Variants in STXBP6 observed in about 807,000 individuals in gnomAD.
STXBP6 encodes the protein syntaxin-binding protein 6.
A neutral mutation model predicts 26.9 loss-of-function variants in STXBP6; 21 were observed. The ratio of observed to expected loss-of-function variants is 0.78; its 90% CI spans 0.55 to 1.12. The LOEUF is 1.12. Ranked by LOEUF, STXBP6 falls within the 50% of genes most tolerant of loss-of-function variation. STXBP6 has a pLI of 0.00. For synonymous variants in STXBP6, 97 were observed against 92.6 expected (o/e 1.05, Z -0.27); for missense variants, 232 against 257.9 (o/e 0.90, Z 0.69).
intron 4 of STXBP6, among the ~76,000 whole-genome samples, chr14:24,844,639 T>G (rs1416350229): frequency 6.6e-6 from 1 of 152,092 alleles, no homozygotes; most frequent in Non-Finnish European, 1.5e-5. Context: ...TAGAAACAGA[T>G]CCTAAAAACA....
At chr14:24,813,516 A>G (rs1161150997) in intron 5 of STXBP6, among the ~76,000 whole-genome samples, 1 of 152,196 alleles carries the variant, frequency 6.6e-6, no homozygotes, top group African/African-American at 2.4e-5. Context: ...CAGAAGGCAG[A>G]ACAGAGGCTG....
chr14:24,930,574 A>T (rs2072348001), intron 2 of STXBP6, among the ~76,000 whole-genome samples: 1 of 152,154 alleles, frequency 6.6e-6, no homozygotes, highest in Non-Finnish European at 1.5e-5. Flanking sequence ...AACTGATAAC[A>T]CTGAAGCAAA....
chr14:25,002,728 T>C (rs1260480806), intron 1 of STXBP6, among the ~76,000 whole-genome samples: 1 of 152,088 alleles, frequency 6.6e-6, no homozygotes, highest in Non-Finnish European at 1.5e-5. Context: ...TGGTCAAAGT[T>C]AAGCAACAAG....
chr14:24,919,282 T>C (rs573026790), intron 2 of STXBP6, among the ~76,000 whole-genome samples: 1 of 152,166 alleles, frequency 6.6e-6, no homozygotes, highest in South Asian at 2.1e-4. Context: ...TATGGTACTT[T>C]AGTCTTCCAG....
intron 2 of STXBP6, among the ~76,000 whole-genome samples, chr14:24,898,045 G>A (rs1595067741): frequency 1.3e-5 from 2 of 152,132 alleles, no homozygotes; most frequent in East Asian, 1.9e-4. Flanking sequence ...TTCTGTACAC[G>A]AGGTTTAGCA....
Position 24,897,985 on chromosome 14 carries a change from G to A in STXBP6, c.155-40828C>T, listed in dbSNP as rs77095434. ...ATTGGAAAATCAGTGGTGAAGTCAT[G>A]TAGACAATGGTTGTTTCATCTTTGC... is the stretch of plus-strand genomic sequence containing the variant. On this transcript the variant is annotated intron_variant, in intron 2 of 5. Coordinates refer to ENST00000323944, the MANE Select transcript of STXBP6 (RefSeq NM_001394410.1). Among the ~76,000 whole-genome samples, 125 of 152,330 alleles carry A rather than the reference G, an allele frequency of 8.2e-4. 1 individual carries two copies. In the East Asian group the frequency reaches 0.024, roughly 29 times the overall value.
chr14:24,985,848 C>G (rs771985233), intron 1 of STXBP6, among the ~76,000 whole-genome samples: 1 of 152,154 alleles, frequency 6.6e-6, no homozygotes, highest in Non-Finnish European at 1.5e-5. Flanking sequence ...TGGAAGTGAT[C>G]CTAGTGATGG....
At chr14:24,902,225 A>G (rs919011577) in intron 2 of STXBP6, among the ~76,000 whole-genome samples, 2 of 152,182 alleles carry the variant, frequency 1.3e-5, no homozygotes, top group Non-Finnish European at 2.9e-5. Context: ...CAAAAATTAG[A>G]AAAACAGATT....
chr14:24,950,298 A>G (rs143279023), intron 2 of STXBP6, among the ~76,000 whole-genome samples: 1 of 152,316 alleles, frequency 6.6e-6, no homozygotes, highest in African/African-American at 2.4e-5. Context: ...CTGAAGAGGT[A>G]CATACTCTTC....
At chr14:24,884,986 T>C (rs1488276715) in intron 2 of STXBP6, among the ~76,000 whole-genome samples, 1 of 152,218 alleles carries the variant, frequency 6.6e-6, no homozygotes, top group Non-Finnish European at 1.5e-5. Flanking sequence ...AGACTGCTTT[T>C]CTAGCTTTTC....
chr14:24,987,268 G>A (rs1216048410), intron 1 of STXBP6, among the ~76,000 whole-genome samples: 1 of 124,716 alleles, frequency 8.0e-6, no homozygotes, highest in East Asian at 2.0e-4. Context: ...ATGGTGACAA[G>A]AAGTTTTTAC....
intron 1 of STXBP6, among the ~76,000 whole-genome samples, chr14:24,988,917 A>G (rs1309795825): frequency 6.6e-6 from 1 of 152,230 alleles, no homozygotes; most frequent in Non-Finnish European, 1.5e-5. Flanking sequence ...AGTAGGCAGA[A>G]AACTACTTTA....
At chr14:24,822,679 C>G (rs538050753) in intron 4 of STXBP6, among the ~76,000 whole-genome samples, 3 of 152,094 alleles carry the variant, frequency 2.0e-5, no homozygotes, top group Non-Finnish European at 4.4e-5. Context: ...CCCTCCACCC[C>G]CCTTAAGACT....
chr14:24,813,919 G>C (rs950083055), intron 5 of STXBP6, among the ~76,000 whole-genome samples: 20 of 152,168 alleles, frequency 1.3e-4, no homozygotes, highest in African/African-American at 4.8e-4. Context: ...CTCACAACAA[G>C]TGTCCCCAGC....
intron 2 of STXBP6, among the ~76,000 whole-genome samples, chr14:24,909,270 G>T (rs989257063): frequency 6.6e-6 from 1 of 152,172 alleles, no homozygotes; most frequent in Non-Finnish European, 1.5e-5. Context: ...TTTCACAGGG[G>T]CACTCCAGCC....
At position 24,918,200 on chromosome 14, in the gene STXBP6, G is replaced by A. The variant is rs115644947; in HGVS notation, c.154+56465C>T. ...TAGTGGTAAATAGGATAGCAGTGAT[G>A]TACTGCACAGATGTGTGAATAAACT... is the stretch of plus-strand genomic sequence containing the variant. On this transcript the variant is annotated intron_variant, in intron 2 of 5. Transcript: ENST00000323944. Among the ~76,000 whole-genome samples, 350 of 152,006 alleles carry A rather than the reference G, an allele frequency of 2.3e-3. 2 individuals carry two copies. Among genetic ancestry groups the A allele is most frequent in the African/African-American group, 8.2e-3 (339 of 41,464 alleles).
At chr14:25,038,998 A>G (rs2075598991) in intron 1 of STXBP6, among the ~76,000 whole-genome samples, 1 of 152,080 alleles carries the variant, frequency 6.6e-6, no homozygotes, top group Non-Finnish European at 1.5e-5. Flanking sequence ...AAAATTGCTA[A>G]CAGAGTAGAT....
chr14:24,934,879 A>G (rs2072542001), intron 2 of STXBP6, among the ~76,000 whole-genome samples: 1 of 152,128 alleles, frequency 6.6e-6, no homozygotes, highest in African/African-American at 2.4e-5. Flanking sequence ...GAACACCAAA[A>G]GACACATTTT....
At position 25,049,699 on chromosome 14, in the gene STXBP6, CCT is replaced by C; in HGVS notation, c.-33+177_-33+178del. Reference sequence around the variant, plus strand: ...GCAGCTGCGCCGGGGCGCGCGGCCCCCTCTCCCGCCACCCGCCAACTTGGAAG... The same window carrying C: ...GCAGCTGCGCCGGGGCGCGCGGCCCCCTCCCGCCACCCGCCAACTTGGAAG... On this transcript the variant is annotated intron_variant, in intron 1 of 5. Coordinates refer to ENST00000323944, the MANE Select transcript of STXBP6 (RefSeq NM_001394410.1). This position sits in a 1 kb window ranked among gnomAD's most constrained non-coding sequence, Gnocchi z 5.6. The C allele has an allele frequency of 2.0e-6, 2 of 985,724 alleles. No individual in the cohort carries two copies. The highest frequency in any genetic ancestry group is 2.4e-6 in the Non-Finnish European group (2 of 830,200). 61.1% of individuals were successfully genotyped at this position (985,724 alleles called of 1,614,324 possible).
Sources: allele counts gnomAD v4.1 joint callset (sites outside exome capture counted in the v4.1 genomes callset), GRCh38; gene constraint gnomAD v4.1.1; non-coding constraint Gnocchi (gnomAD v3.1); transcripts MANE v1.5; gene names NCBI Gene and HGNC (gene_info 2026-07-23, HGNC 2026-07-21).